SYT7: variants seen among roughly 807,000 people sequenced by gnomAD.
The protein encoded by SYT7 is synaptotagmin-7.
A neutral mutation model predicts 75.1 loss-of-function variants in SYT7; 29 were observed. The observed-to-expected ratio is 0.39, with a 90% CI of 0.29 to 0.53. The LOEUF (loss-of-function observed/expected upper bound fraction) is 0.53, where lower values mean the gene tolerates loss of function less well. SYT7 is among the 20% of genes least tolerant of loss of function. The pLI is 0.77. For missense variants in SYT7, 693 were observed against 953.2 expected (o/e 0.73, Z 3.59); for synonymous variants, 376 against 401.7 (o/e 0.94, Z 0.76).
rs2062108107 is a variant in SYT7, at chr11:61,514,397, G to A, written c.*4230C>T. 6.6e-6 allele frequency among the ~76,000 whole-genome samples: 1 copy of A among 152,208 alleles called. No individual in the cohort carries two copies. Among genetic ancestry groups the A allele is most frequent in the Non-Finnish European group, 1.5e-5 (1 of 68,030 alleles). ...GGATGGGGTACTTAGTGCAGCTCCG[G>A]GAGGCAGCTGCTGGCCCCAAGTGCT... On this transcript the variant is annotated 3_prime_UTR_variant, in exon 13 of 13. Transcript: ENST00000539008.
chr11:61,543,342 G>A (rs901579346), intron 5 of SYT7, among the ~76,000 whole-genome samples: 4 of 152,174 alleles, frequency 2.6e-5, no homozygotes, highest in African/African-American at 7.2e-5. Context: ...CCCCTCATCC[G>A]ACACTTCACC....
rs1484580352 is a variant in SYT7, at chr11:61,547,315, G to A, written c.216-7C>T. ...AAAGTCTCTGTCTAGATCACTGGAG[G>A]GGCAGAGAGAGAGGGGAGAAAACAG... On this transcript the variant is annotated splice_polypyrimidine_tract_variant and splice_region_variant and intron_variant, in intron 3 of 12. Coordinates refer to ENST00000539008, the MANE Select transcript of SYT7 (RefSeq NM_001365809.2). 1.3e-6 allele frequency: 2 copies of A among 1,535,356 alleles called. No individual in the cohort carries two copies. The highest frequency in any genetic ancestry group is 1.7e-6 in the Non-Finnish European group (2 of 1,146,528).
intron 1 of SYT7, among the ~76,000 whole-genome samples, chr11:61,557,526 T>TTTCTAGTA (rs1247524906): frequency 4.7e-4 from 71 of 152,228 alleles, no homozygotes; most frequent in African/African-American, 1.6e-3. Context: ...TCCAGCACCC[T>TTTCTAGTA]GGGCAGCCCT....
upstream of SYT7, among the ~76,000 whole-genome samples, chr11:61,583,678 T>C (rs1201544637): frequency 2.0e-5 from 3 of 152,190 alleles, no homozygotes; most frequent in Non-Finnish European, 4.4e-5. Flanking sequence ...CTTACAAGAA[T>C]ACGAAGCCCA....
At position 61,555,670 on chromosome 11, in the gene SYT7, T is replaced by TGGAGGGGAGCGGGC. The variant is rs1166318840; in HGVS notation, c.135+420_135+433dup. ...TTGGCCACCGGCTCAGCCACGCCCA[T>TGGAGGGGAGCGGGC]GGAGGGGAGCGGGCAGAGGGGAGGG... is the stretch of plus-strand genomic sequence containing the variant. On this transcript the variant is annotated intron_variant, in intron 2 of 12. Coordinates refer to ENST00000539008, the MANE Select transcript of SYT7 (RefSeq NM_001365809.2). Among the ~76,000 whole-genome samples, 17 of 151,888 alleles carry TGGAGGGGAGCGGGC rather than the reference T, an allele frequency of 1.1e-4. No homozygotes were observed. The East Asian group carries it at 2.5e-3, about 23-fold the overall frequency.
chr11:61,530,298 CAGA>C (rs1372664615), intron 8 of SYT7, among the ~76,000 whole-genome samples: 1 of 152,230 alleles, frequency 6.6e-6, no homozygotes, highest in Non-Finnish European at 1.5e-5. Flanking sequence ...TGCCTTACAG[CAGA>C]AGATGTTCCC....
At position 61,554,000 on chromosome 11, in the gene SYT7, T is replaced by C. The variant is rs2063422838; in HGVS notation, c.135+2104A>G. On this transcript the variant is annotated intron_variant, in intron 2 of 12. Transcript: ENST00000539008. The surrounding 1 kb of genome is among the most constrained non-coding windows in gnomAD (Gnocchi z 5.2). ...GAGGGGGTGGCAGGGCTTGGGGGAC[T>C]GGGGAGAGTAGCATTCTATCCACAG... Among the ~76,000 whole-genome samples the C allele has an allele frequency of 6.6e-6, 1 of 151,870 alleles. No individual in the cohort carries two copies. Among genetic ancestry groups the C allele is most frequent in the South Asian group, 2.1e-4 (1 of 4,804 alleles).
At chr11:61,560,853 C>A (rs1478164543) in intron 1 of SYT7, among the ~76,000 whole-genome samples, 1 of 152,098 alleles carries the variant, frequency 6.6e-6, no homozygotes, top group Admixed American at 6.5e-5. Context: ...GAGCAGAAGG[C>A]AGGAAGCAGG....
chr11:61,538,094 G>A (rs910513044), intron 7 of SYT7, 50 bp downstream of exon 7: 185 of 1,531,746 alleles, frequency 1.2e-4, no homozygotes, highest in Non-Finnish European at 1.5e-4. Flanking sequence ...CGGCCTCTCC[G>A]CGCCTCCTTC....
intron 12 of SYT7, among the ~76,000 whole-genome samples, chr11:61,519,014 G>A (rs1244814077): frequency 6.6e-6 from 1 of 152,254 alleles, no homozygotes; most frequent in Non-Finnish European, 1.5e-5. Flanking sequence ...AGGTGGGGTT[G>A]GAGGCAGCTT....
intron 12 of SYT7, 46 bp from the exon 13 acceptor site, chr11:61,518,777 A>ACTGGC (rs1480384171): frequency 6.5e-6 from 9 of 1,385,518 alleles, no homozygotes; most frequent in African/African-American, 1.5e-5. Flanking sequence ...GCTCCAGGGC[A>ACTGGC]CTGGCCCTTT....
chr11:61,518,681 G>A lies in SYT7; in HGVS notation c.2007C>T (p.Asp669=), dbSNP rs1344765552. ...SGPGEVKHWK[D]MIARPRQPVA... ...CGGGCTGCCGGGGACGGGCAATCAT[G>A]TCCTTCCAGTGCTTCACCTCCCCTG... The change falls in exon 13 of 13, where the codon GAC becomes GAT. Residue 669 remains aspartate (D), a synonymous_variant. Transcript: ENST00000539008. The A allele has an allele frequency of 1.9e-6, 3 of 1,550,308 alleles. No individual in the cohort carries two copies. Among genetic ancestry groups the A allele is most frequent in the South Asian group, 2.4e-5 (2 of 83,894 alleles).
chr11:61,548,195 G>A (rs891910526), intron 3 of SYT7, among the ~76,000 whole-genome samples: 3 of 152,220 alleles, frequency 2.0e-5, no homozygotes, highest in Non-Finnish European at 2.9e-5. Context: ...GGGCCCCTCG[G>A]TCCTTTGTTC....
chr11:61,515,003 G>A lies in SYT7; in HGVS notation c.*3624C>T, dbSNP rs888906510. On this transcript the variant is annotated 3_prime_UTR_variant, in exon 13 of 13. Transcript: ENST00000539008. ...CTGGGAACTGAGGGAGGGGACGTCA[G>A]GCTGGGTGACCCTGGAGGGCACCCC... 1.3e-5 allele frequency among the ~76,000 whole-genome samples: 2 copies of A among 152,208 alleles called. No individual in the cohort carries two copies. Among genetic ancestry groups the A allele is most frequent in the African/African-American group, 2.4e-5 (1 of 41,436 alleles).
In SYT7 at chr11:61,515,686, G is replaced by C. The variant is rs376630417; in HGVS notation, c.*2941C>G. 3 of 152,576 alleles carry C rather than the reference G, an allele frequency of 2.0e-5. No homozygotes were observed. The highest frequency in any genetic ancestry group is 3.9e-4 in the East Asian group (2 of 5,188). The allele number at this position is 152,576 out of a possible 1,614,324, so 9.5% of individuals were successfully genotyped here. On this transcript the variant is annotated 3_prime_UTR_variant, in exon 13 of 13. Transcript: ENST00000539008. ...CATCTGGTGCCAGAGGGCAGGTGCGGGGGTCCTGGGGCGGGTGGAATTTGT... is the reference window on the plus strand; with the variant it reads ...CATCTGGTGCCAGAGGGCAGGTGCGCGGGTCCTGGGGCGGGTGGAATTTGT...
At position 61,580,923 on chromosome 11, in the gene SYT7, C is replaced by A; in HGVS notation, c.-103G>T. 1 of 1,048,988 alleles carries A rather than the reference C, an allele frequency of 9.5e-7. No homozygotes were observed. The highest frequency in any genetic ancestry group is 1.1e-6 in the Non-Finnish European group (1 of 872,008). 65.0% of individuals were successfully genotyped at this position (1,048,988 alleles called of 1,614,324 possible). On this transcript the variant is annotated 5_prime_UTR_variant, in exon 1 of 13. Transcript: ENST00000539008. The surrounding 1 kb of genome is among the most constrained non-coding windows in gnomAD (Gnocchi z 6.1). ...CATGGGGCCGGGCGACCCCCGGGGGCGGGTCCGAGGGCGGGGGCCGAGCGG... is the reference window on the plus strand; with the variant it reads ...CATGGGGCCGGGCGACCCCCGGGGGAGGGTCCGAGGGCGGGGGCCGAGCGG...
intron 3 of SYT7, 87 bp from the exon 4 acceptor site, chr11:61,547,395 G>A (rs2063221559): frequency 1.4e-6 from 2 of 1,469,278 alleles, no homozygotes; most frequent in Non-Finnish European, 1.8e-6. Flanking sequence ...AAGGGACCAG[G>A]ACCCCGGGGC....
In SYT7 at chr11:61,551,347, G is replaced by A. The variant is rs1209762799; in HGVS notation, c.215+37C>T. ...GGGGCTCCTCCCACCTGGGCTGCTT[G>A]TGTGGCCCCATCCCAAACTAGCAGC... On this transcript the variant is annotated intron_variant, in intron 3 of 12. Transcript: ENST00000539008. This position sits in a 1 kb window ranked among gnomAD's most constrained non-coding sequence, Gnocchi z 5.3. 2.5e-6 allele frequency: 4 copies of A among 1,604,974 alleles called. No homozygotes were observed. The highest frequency in any genetic ancestry group is 1.1e-5 in the South Asian group (1 of 90,856).
chr11:61,538,273 G>C lies in SYT7; in HGVS notation c.942-7C>G. 3 of 1,532,602 alleles carry C rather than the reference G, an allele frequency of 2.0e-6. No homozygotes were observed. The highest frequency in any genetic ancestry group is 2.6e-6 in the Non-Finnish European group (3 of 1,144,700). 94.9% of individuals were successfully genotyped at this position (1,532,602 alleles called of 1,614,324 possible). A position where few individuals can be genotyped will look rare whatever the true frequency, so the allele number is the denominator to read the frequency against. On this transcript the variant is annotated splice_region_variant and splice_polypyrimidine_tract_variant and intron_variant, in intron 6 of 12. Transcript: ENST00000539008. ...CACCACCATCCGGCCTTCCCTGCCC[G>C]GGGAGGGCAGCCCACAGGCCAGGGT...
Sources: allele counts gnomAD v4.1 joint callset (sites outside exome capture counted in the v4.1 genomes callset), GRCh38; gene constraint gnomAD v4.1.1; non-coding constraint Gnocchi (gnomAD v3.1); transcripts MANE v1.5; gene names NCBI Gene and HGNC (gene_info 2026-07-23, HGNC 2026-07-21).